The following NDUFS7 variants were observed in gnomAD, a reference collection of about 807,000 sequenced individuals.
NDUFS7 encodes the protein NADH:ubiquinone oxidoreductase core subunit S7, also known as NADH dehydrogenase [ubiquinone] iron-sulfur protein 7, mitochondrial.
In NDUFS7, 11 loss-of-function variants were observed where a neutral mutation model predicts 31.1. The observed-to-expected ratio is 0.35, with a 90% CI of 0.22 to 0.59. The LOEUF (loss-of-function observed/expected upper bound fraction) is 0.59. NDUFS7 is among the 20% of genes least tolerant of loss of function. The pLI is 0.79. For synonymous variants in NDUFS7, 136 were observed against 127.9 expected (o/e 1.06, Z -0.43); for missense variants, 263 against 324.2 (o/e 0.81, Z 1.45).
intron 7 of NDUFS7, chr19:1,394,732 C>G (rs1414445113): frequency 8.4e-7 from 1 of 1,189,048 alleles, no homozygotes; most frequent in African/African-American, 1.6e-5. Flanking sequence ...GCAGCCTGGA[C>G]TTGCCAGAGC....
At chr19:1,387,610 C>T (rs1284312042) in intron 1 of NDUFS7, 16 of 615,810 alleles carry the variant, frequency 2.6e-5, no homozygotes, top group Non-Finnish European at 4.5e-5. Flanking sequence ...GGGTTCCTTC[C>T]GGGGCCATGC....
At chr19:1,386,321 T>C (rs141783345) in intron 1 of NDUFS7, among the ~76,000 whole-genome samples, 4 of 152,246 alleles carry the variant, frequency 2.6e-5, no homozygotes, top group African/African-American at 4.8e-5. Context: ...AAGGCCAAGA[T>C]TGGGGGTCAG....
At chr19:1,389,226 C>G (rs766705321) in intron 4 of NDUFS7, 1 of 672,702 alleles carries the variant, frequency 1.5e-6, no homozygotes, top group South Asian at 1.5e-5. Flanking sequence ...TACACACATG[C>G]ACACTTGCAC....
At chr19:1,384,868 G>T (rs1015225754) in intron 1 of NDUFS7, among the ~76,000 whole-genome samples, 10 of 152,224 alleles carry the variant, frequency 6.6e-5, no homozygotes, top group African/African-American at 2.4e-4. Flanking sequence ...CTGGAGTGCA[G>T]TGGTGCCATC....
Position 1,393,800 on chromosome 19 carries a change from G to A in NDUFS7, c.544+470G>A. The A allele has an allele frequency of 2.5e-6, 1 of 398,666 alleles. No homozygotes were observed. Among genetic ancestry groups the A allele is most frequent in the Non-Finnish European group, 4.7e-6 (1 of 214,782 alleles). 24.7% of individuals were successfully genotyped at this position (398,666 alleles called of 1,614,324 possible). ...AGGTTAGGGTGAATTTGACCATCAG[G>A]AAAACTGTTAGTAGTAATTGTTTAG... On this transcript the variant is annotated intron_variant, in intron 7 of 7. Coordinates refer to ENST00000233627, the MANE Select transcript of NDUFS7 (RefSeq NM_024407.5). The surrounding 1 kb of genome is among the most constrained non-coding windows in gnomAD (Gnocchi z 7.3).
chr19:1,394,231 G>A, intron 7 of NDUFS7: 1 of 513,626 alleles, frequency 1.9e-6, no homozygotes, highest in Non-Finnish European at 3.1e-6. Flanking sequence ...GATTTGTTCA[G>A]CGTTCTGCAC....
At position 1,395,569 on chromosome 19, in the gene NDUFS7, C is replaced by G; in HGVS notation, c.*81C>G. The G allele has an allele frequency of 6.8e-7, 1 of 1,479,284 alleles. No individual in the cohort carries two copies. The allele number at this position is 1,479,284 out of a possible 1,614,324, so 91.6% of individuals were successfully genotyped here. ...TCCCGTGAGGTTGTCAATAAACCTG[C>G]CCTCGGGCTGCCGCCTCCCAGTGTG... On this transcript the variant is annotated 3_prime_UTR_variant, in exon 8 of 8. Transcript: ENST00000233627.
At chr19:1,394,244 T>G in intron 7 of NDUFS7, 1 of 658,454 alleles carries the variant, frequency 1.5e-6, no homozygotes, top group South Asian at 1.6e-5. Flanking sequence ...TTCTGCACGG[T>G]TCAGGTCACC....
rs1453099814 is a variant in NDUFS7, at chr19:1,390,774, G to A, written c.229-97G>A. Reference sequence around the variant, plus strand: ...TCACCTCTGCCGGCTGCCGCCCCGGGACATGAGTCGGGGGTTCTGGGTGCT... The same window carrying A: ...TCACCTCTGCCGGCTGCCGCCCCGGAACATGAGTCGGGGGTTCTGGGTGCT... On this transcript the variant is annotated intron_variant, in intron 4 of 7. Coordinates refer to ENST00000233627, the MANE Select transcript of NDUFS7 (RefSeq NM_024407.5). 5 of 1,417,798 alleles carry A rather than the reference G, an allele frequency of 3.5e-6. No individual in the cohort carries two copies. In the East Asian group the frequency reaches 1.2e-4, roughly 35 times the overall value. 87.8% of individuals were successfully genotyped at this position (1,417,798 alleles called of 1,614,324 possible).
chr19:1,394,242 G>C (rs547176692), intron 7 of NDUFS7: 397 of 617,452 alleles, frequency 6.4e-4, no homozygotes, highest in Non-Finnish European at 8.6e-4. Flanking sequence ...CGTTCTGCAC[G>C]GTTCAGGTCA....
In NDUFS7 at chr19:1,387,911, CGGGG is replaced by C. The variant is rs1214096751; in HGVS notation, c.53+69_53+72del. 34 of 128,992 alleles carry C rather than the reference CGGGG, an allele frequency of 2.6e-4. 2 individuals are homozygous for C. Among genetic ancestry groups the C allele is most frequent in the South Asian group, 1.5e-3 (13 of 8,576 alleles). 8.0% of individuals were successfully genotyped at this position (128,992 alleles called of 1,614,324 possible). On this transcript the variant is annotated intron_variant, in intron 2 of 7. Coordinates refer to ENST00000233627, the MANE Select transcript of NDUFS7 (RefSeq NM_024407.5). ...CTTCAGCAGCGACAGACGAACGGGG[CGGGG>C]GGGGTGGGGGGTGGGGGGAGCGCCT...
At chr19:1,388,451 G>C (rs2082524372) in intron 2 of NDUFS7, 74 bp from the exon 3 acceptor site, 1 of 1,375,680 alleles carries the variant, frequency 7.3e-7, no homozygotes, top group African/African-American at 1.4e-5. Flanking sequence ...GGAGAGGCAG[G>C]ACAACAGTGA....
chr19:1,390,879 G>A lies in NDUFS7; in HGVS notation c.237G>A (p.Leu79=), dbSNP rs760316177. ...DLVNWARRSS[L]WPMTFGLACC... ...GAGCCCGGCCTCCGCAGAGTTCTCT[G>A]TGGCCCATGACCTTCGGCCTGGCCT... The change falls in exon 5 of 8, where the codon CTG becomes CTA. Residue 79 remains leucine, a synonymous_variant. Transcript: ENST00000233627. The A allele has an allele frequency of 6.2e-7, 1 of 1,609,468 alleles. No individual in the cohort carries two copies. The highest frequency in any genetic ancestry group is 8.5e-7 in the Non-Finnish European group (1 of 1,179,804).
At chr19:1,389,049 A>G in intron 4 of NDUFS7, 111 bp downstream of exon 4, 1 of 904,140 alleles carries the variant, frequency 1.1e-6, no homozygotes, top group East Asian at 2.6e-5. Flanking sequence ...CAACACATGC[A>G]TGCACACTCA....
intron 7 of NDUFS7, chr19:1,395,175 G>A (rs2082587849): frequency 1.4e-6 from 2 of 1,419,038 alleles, no homozygotes; most frequent in Non-Finnish European, 1.8e-6. Context: ...CGGGTGGAGG[G>A]CAGTGGGGCC....
chr19:1,391,098 C>T (rs1460895089), intron 5 of NDUFS7, 21 bp from the exon 6 acceptor site: 28 of 1,608,614 alleles, frequency 1.7e-5, no homozygotes, highest in Non-Finnish European at 2.4e-5. Context: ...GAGCTGCGCA[C>T]GGACCCCGCC....
rs752857982 is a variant in NDUFS7 at position 1,388,908 on chromosome 19, G to A, written c.198G>A (p.Lys66=). The change falls in exon 4 of 8, where the codon AAG becomes AAA. Residue 66 remains lysine (K), a synonymous_variant. Transcript: ENST00000233627. ...GCCGGGGCGAGTATGTGGTGGCCAAGCTGGATGACCTCGTCAACTGGGCCC... is the reference window on the plus strand; with the variant it reads ...GCCGGGGCGAGTATGTGGTGGCCAAACTGGATGACCTCGTCAACTGGGCCC... The part of the protein sequence containing the change: ...PSSRGEYVVA[K]LDDLVNWARR... 1.9e-6 allele frequency: 3 copies of A among 1,609,912 alleles called. No individual in the cohort carries two copies. The highest frequency in any genetic ancestry group is 2.5e-6 in the Non-Finnish European group (3 of 1,178,610).
intron 7 of NDUFS7, chr19:1,394,997 C>T (rs1206995192): frequency 1.8e-6 from 2 of 1,138,600 alleles, no homozygotes; most frequent in Non-Finnish European, 2.2e-6. Context: ...TCCGCCCAGC[C>T]TCCCTGCCTC....
Position 1,393,668 on chromosome 19 carries a change from G to A in NDUFS7, c.544+338G>A, listed in dbSNP as rs1600153241. 2 of 591,932 alleles carry A rather than the reference G, an allele frequency of 3.4e-6. No homozygotes were observed. Among genetic ancestry groups the A allele is most frequent in the Non-Finnish European group, 6.0e-6 (2 of 330,950 alleles). The allele number at this position is 591,932 out of a possible 1,614,324, so 36.7% of individuals were successfully genotyped here. A position where few individuals can be genotyped will look rare whatever the true frequency, so the allele number is the denominator to read the frequency against. ...AGCGAGAAGGTTCCTGGGGGCCAAG[G>A]ACACTGTCCCGCGCCCTCAGCCTTA... is the stretch of plus-strand genomic sequence containing the variant. On this transcript the variant is annotated intron_variant, in intron 7 of 7. Coordinates refer to ENST00000233627, the MANE Select transcript of NDUFS7 (RefSeq NM_024407.5). The surrounding 1 kb of genome is among the most constrained non-coding windows in gnomAD (Gnocchi z 7.3).
Sources: allele counts gnomAD v4.1 joint callset (sites outside exome capture counted in the v4.1 genomes callset), GRCh38; gene constraint gnomAD v4.1.1; non-coding constraint Gnocchi (gnomAD v3.1); transcripts MANE v1.5; gene names NCBI Gene and HGNC (gene_info 2026-07-23, HGNC 2026-07-21).